The following PFKP variants were observed in gnomAD, a reference collection of about 807,000 sequenced individuals.
PFKP encodes ATP-dependent 6-phosphofructokinase, platelet type.
PFKP carries 101 observed loss-of-function variants against 94.3 expected under a neutral mutation model. The observed-to-expected ratio is 1.07, with a 90% CI of 0.91 to 1.26. The LOEUF (loss-of-function observed/expected upper bound fraction) is 1.26, where lower values mean the gene tolerates loss of function less well. Among genes scored for constraint, PFKP ranks in the 50% most tolerant of loss-of-function variants. The pLI is 0.00. For missense variants in PFKP, 1,145 were observed against 1,103.3 expected (o/e 1.04, Z -0.53); for synonymous variants, 573 against 432.6 (o/e 1.32, Z -4.03).
chr10:3,076,159 C>A (rs1832573735), intron 1 of PFKP, among the ~76,000 whole-genome samples: 1 of 152,030 alleles, frequency 6.6e-6, no homozygotes, highest in Non-Finnish European at 1.5e-5. Flanking sequence ...CTTTGAAACC[C>A]AGTGTGTAAA....
At chr10:3,134,206 G>T (rs1240631510) in intron 19 of PFKP, among the ~76,000 whole-genome samples, 3 of 152,216 alleles carry the variant, frequency 2.0e-5, no homozygotes, top group Non-Finnish European at 4.4e-5. Context: ...GCTCAGATGA[G>T]TTCATGAAAT....
At chr10:3,074,690 C>T (rs992985317) in intron 1 of PFKP, among the ~76,000 whole-genome samples, 1 of 152,150 alleles carries the variant, frequency 6.6e-6, no homozygotes, top group Admixed American at 6.5e-5. Context: ...ATGTGAGCTC[C>T]AACAGACACA....
At position 3,109,420 on chromosome 10, in the gene PFKP, C is replaced by T. The variant is rs752740586; in HGVS notation, c.1029C>T (p.Cys343=). 1.8e-5 allele frequency: 29 copies of T among 1,609,508 alleles called. No individual in the cohort carries two copies. The highest frequency in any genetic ancestry group is 3.3e-5 in the Admixed American group (2 of 59,986). The change falls in exon 10 of 22, where the codon TGC becomes TGT. Residue 343 remains cysteine, a synonymous_variant. Coordinates refer to ENST00000381125, the MANE Select transcript of PFKP (RefSeq NM_002627.5). ...AGGCCACCCCGGACACCCCAGCTTGCGTCGTGTCACTGAACGGGAACCACG... is the reference window on the plus strand; with the variant it reads ...AGGCCACCCCGGACACCCCAGCTTGTGTCGTGTCACTGAACGGGAACCACG... ...LLEATPDTPA[C]VVSLNGNHAV...
intron 10 of PFKP, among the ~76,000 whole-genome samples, chr10:3,110,804 T>A (rs1394169945): frequency 6.6e-6 from 1 of 151,456 alleles, no homozygotes. Flanking sequence ...GTGTGCATGT[T>A]TGTGAGGTAG....
At chr10:3,087,432 G>T (rs1257780487) in intron 2 of PFKP, among the ~76,000 whole-genome samples, 1 of 152,200 alleles carries the variant, frequency 6.6e-6, no homozygotes, top group East Asian at 1.9e-4. Flanking sequence ...CCTGCCCTCG[G>T]TGGGGAAGGA....
chr10:3,133,232 C>G lies in PFKP; in HGVS notation c.1940C>G (p.Thr647Ser). 1 of 1,614,004 alleles carries G rather than the reference C, an allele frequency of 6.2e-7. No homozygotes were observed. Among genetic ancestry groups the G allele is most frequent in the Non-Finnish European group, 8.5e-7 (1 of 1,179,860 alleles). The change falls in exon 19 of 22, where the codon ACC becomes AGC. Residue 647 changes from threonine to serine, a missense_variant. Thr to Ser is a moderately conservative substitution (Grantham distance 58). Transcript: ENST00000381125. ...RNESCSENYT[T>S]DFIYQLYSEE... ...GAGAGCTGCAGTGAAAACTACACCA[C>G]CGACTTCATTTACCAGCTGTATTCA...
intron 2 of PFKP, among the ~76,000 whole-genome samples, chr10:3,096,226 C>G (rs996834782): frequency 6.6e-6 from 1 of 152,114 alleles, no homozygotes; most frequent in Non-Finnish European, 1.5e-5. Context: ...TCCGGGATAG[C>G]GCGTGCTCCA....
At chr10:3,069,250 C>T (rs1831997654) in intron 1 of PFKP, 6 of 1,455,270 alleles carry the variant, frequency 4.1e-6, no homozygotes, top group South Asian at 1.4e-5. Flanking sequence ...TAAAAGGACC[C>T]CAGCATCAAC....
chr10:3,119,774 GATGCCC>G, intron 15 of PFKP, 112 bp from the exon 16 acceptor site: 1 of 506,172 alleles, frequency 2.0e-6, no homozygotes, highest in Admixed American at 4.5e-5. Flanking sequence ...GTGTTTTCGT[GATGCCC>G]CAGTGTGCTC....
At chr10:3,087,653 A>T (rs1385997029) in intron 2 of PFKP, among the ~76,000 whole-genome samples, 2 of 152,192 alleles carry the variant, frequency 1.3e-5, no homozygotes, top group Non-Finnish European at 2.9e-5. Flanking sequence ...GGCACAAAGA[A>T]TGATCAGGCT....
At chr10:3,123,761 C>T (rs1037903862) in intron 16 of PFKP, among the ~76,000 whole-genome samples, 22 of 152,364 alleles carry the variant, frequency 1.4e-4, no homozygotes, top group African/African-American at 3.4e-4. Context: ...GCCAGTGCCC[C>T]GACATGAGTG....
At chr10:3,081,296 G>A (rs751923280) in intron 1 of PFKP, among the ~76,000 whole-genome samples, 15 of 152,340 alleles carry the variant, frequency 9.8e-5, no homozygotes, top group South Asian at 4.1e-4. Flanking sequence ...GCCGGTCACC[G>A]TCCAAGTGCA....
chr10:3,092,150 C>A (rs1238508434), intron 2 of PFKP, among the ~76,000 whole-genome samples: 1 of 151,722 alleles, frequency 6.6e-6, no homozygotes, highest in African/African-American at 2.4e-5. Flanking sequence ...TCCCCATGGC[C>A]CCCGGTCAGC....
At chr10:3,068,874 G>A (rs1483170436) in intron 1 of PFKP, 1 of 216,258 alleles carries the variant, frequency 4.6e-6, no homozygotes, top group Middle Eastern at 2.4e-3. Flanking sequence ...GCGTGGAAAG[G>A]CCCGGATGGC....
At chr10:3,125,893 G>T (rs1195917403) in intron 16 of PFKP, among the ~76,000 whole-genome samples, 1 of 152,210 alleles carries the variant, frequency 6.6e-6, no homozygotes, top group Non-Finnish European at 1.5e-5. Context: ...TGCAGAGACG[G>T]TCCTCACTCA....
intron 2 of PFKP, among the ~76,000 whole-genome samples, chr10:3,089,717 G>A (rs1336272905): frequency 6.7e-6 from 1 of 149,606 alleles, no homozygotes; most frequent in Non-Finnish European, 1.5e-5. Flanking sequence ...CGTATACAAT[G>A]TTATACATTA....
At chr10:3,101,279 C>G (rs1206198185) in intron 3 of PFKP, 86 bp from the exon 4 acceptor site, 4 of 1,090,252 alleles carry the variant, frequency 3.7e-6, no homozygotes, top group Non-Finnish European at 5.3e-6. Context: ...ATTCTAGCAC[C>G]CCATGTTTAT....
intron 1 of PFKP, chr10:3,069,332 G>T: frequency 6.3e-7 from 1 of 1,578,924 alleles, no homozygotes. Flanking sequence ...GAAGAAACAG[G>T]AGAGTGAAGT....
intron 2 of PFKP, among the ~76,000 whole-genome samples, chr10:3,083,794 A>G (rs550403587): frequency 1.1e-3 from 167 of 152,250 alleles, no homozygotes; most frequent in African/African-American, 3.8e-3. Context: ...GGTGCCTGCC[A>G]CCATGCCCAG....
Sources: allele counts gnomAD v4.1 joint callset (sites outside exome capture counted in the v4.1 genomes callset), GRCh38; gene constraint gnomAD v4.1.1; transcripts MANE v1.5; gene names NCBI Gene and HGNC (gene_info 2026-07-23, HGNC 2026-07-21).